The following RNF217 variants were observed in gnomAD, a reference collection of about 807,000 sequenced individuals.
RNF217 encodes ring finger protein 217, also known as E3 ubiquitin-protein ligase RNF217.
RNF217 carries 31 observed loss-of-function variants against 57.8 expected under a neutral mutation model. The ratio of observed to expected loss-of-function variants is 0.54; its 90% CI spans 0.40 to 0.72. The LOEUF is 0.72. Among genes scored for constraint, RNF217 ranks in the 30% least tolerant of loss-of-function variants. The probability of loss-of-function intolerance (pLI) is 0.00; values close to 1 mark genes in which losing one functional copy is unlikely to be tolerated. For missense variants in RNF217, 696 were observed against 708.3 expected (o/e 0.98, Z 0.20); for synonymous variants, 313 against 294.0 (o/e 1.06, Z -0.66).
At chr6:125,009,058 A>G (rs1300835159) in intron 1 of RNF217, 2 of 457,590 alleles carry the variant, frequency 4.4e-6, no homozygotes, top group Non-Finnish European at 7.6e-6. Context: ...TCACTGGTTC[A>G]TAGAGAACAA....
intron 2 of RNF217, among the ~76,000 whole-genome samples, chr6:125,051,822 A>G (rs1787328712): frequency 6.6e-6 from 1 of 151,984 alleles, no homozygotes; most frequent in Admixed American, 6.6e-5. Context: ...CTTGTTCAAA[A>G]CAGGATGATA....
At chr6:125,013,480 A>G (rs1032634162) in intron 1 of RNF217, among the ~76,000 whole-genome samples, 2 of 151,728 alleles carry the variant, frequency 1.3e-5, no homozygotes, top group Admixed American at 1.3e-4. Context: ...GTCATGAAAC[A>G]TCTAGAGGGG....
At chr6:125,066,211 C>T (rs1787931608) in intron 3 of RNF217, among the ~76,000 whole-genome samples, 1 of 152,154 alleles carries the variant, frequency 6.6e-6, no homozygotes, top group African/African-American at 2.4e-5. Flanking sequence ...ACTGGTATCT[C>T]ATTCTTCACA....
intron 1 of RNF217, among the ~76,000 whole-genome samples, chr6:124,988,792 T>G (rs1175411005): frequency 6.6e-6 from 1 of 152,228 alleles, no homozygotes; most frequent in Non-Finnish European, 1.5e-5. Flanking sequence ...CAGAGAATGT[T>G]CATTCATAGA....
rs1052693445 is a variant in RNF217 at position 124,977,749 on chromosome 6, C to T, written c.882+14323C>T. 2.6e-5 allele frequency among the ~76,000 whole-genome samples: 4 copies of T among 152,244 alleles called. No individual in the cohort carries two copies. In the East Asian group the frequency reaches 5.8e-4, roughly 22 times the overall value. ...GCACAGTCATATCATAAAGTGTCTGCTTCTGGTCATAAGACTGTGACTGAG... is the reference window on the plus strand; with the variant it reads ...GCACAGTCATATCATAAAGTGTCTGTTTCTGGTCATAAGACTGTGACTGAG... On this transcript the variant is annotated intron_variant, in intron 1 of 5. Transcript: ENST00000521654.
chr6:125,078,546 C>G (rs512342), intron 4 of RNF217, among the ~76,000 whole-genome samples: 101,107 of 151,970 alleles, frequency 0.67, 35,656 homozygotes, highest in African/African-American at 0.89. Context: ...CCACGAGACA[C>G]AGAAAATGGG....
At chr6:124,982,184 T>G (rs1435312654) in intron 1 of RNF217, among the ~76,000 whole-genome samples, 2 of 152,130 alleles carry the variant, frequency 1.3e-5, no homozygotes, top group Non-Finnish European at 2.9e-5. Flanking sequence ...CTTTCCAACT[T>G]GACTTTTCCC....
intron 4 of RNF217, among the ~76,000 whole-genome samples, chr6:125,079,545 T>G (rs962122280): frequency 1.3e-5 from 2 of 152,010 alleles, no homozygotes; most frequent in South Asian, 2.1e-4. Flanking sequence ...GAAATGTAAA[T>G]TGGCAGTCTC....
chr6:125,061,047 A>C (rs1375850759), intron 3 of RNF217, among the ~76,000 whole-genome samples: 2 of 152,210 alleles, frequency 1.3e-5, no homozygotes, highest in East Asian at 1.9e-4. Context: ...ACTTGCTTAA[A>C]TATTCCTCCA....
Position 124,977,848 on chromosome 6 carries a change from T to C in RNF217, c.882+14422T>C, listed in dbSNP as rs549306557. ...AAATTGAAGCACATGTTCAGGTTATTAGGGAGTTGCAGAGATTTTACATAG... is the reference window on the plus strand; with the variant it reads ...AAATTGAAGCACATGTTCAGGTTATCAGGGAGTTGCAGAGATTTTACATAG... On this transcript the variant is annotated intron_variant, in intron 1 of 5. Transcript: ENST00000521654. 4.3e-4 allele frequency among the ~76,000 whole-genome samples: 65 copies of C among 152,324 alleles called. No individual in the cohort carries two copies. In the South Asian group the frequency reaches 0.013, roughly 31 times the overall value.
chr6:125,034,348 C>A (rs990469663), intron 1 of RNF217, among the ~76,000 whole-genome samples: 11 of 152,186 alleles, frequency 7.2e-5, no homozygotes, highest in Non-Finnish European at 1.0e-4. Context: ...TTAAGTCTTT[C>A]ATTCATCTTG....
In RNF217 at chr6:124,962,768, C is replaced by A; in HGVS notation, c.224C>A (p.Pro75His). ...CCAGAGCCCGCGAGGAGCCTGGGGCCCCCGGGCTGGAGTAAGAGCCGAGCA... is the reference window on the plus strand; with the variant it reads ...CCAGAGCCCGCGAGGAGCCTGGGGCACCCGGGCTGGAGTAAGAGCCGAGCA... ...SAPEPARSLG[P>H]PGWSKSRAPA... Residue 75 changes from proline (P) to histidine (H), a missense_variant, in exon 1 of 6, where the codon CCC becomes CAC. Coordinates refer to ENST00000521654, the MANE Select transcript of RNF217 (RefSeq NM_001286398.3). The surrounding 1 kb of genome is among the most constrained non-coding windows in gnomAD (Gnocchi z 4.6). 6.3e-7 allele frequency: 1 copy of A among 1,594,368 alleles called. No homozygotes were observed. Among genetic ancestry groups the A allele is most frequent in the Non-Finnish European group, 8.5e-7 (1 of 1,178,680 alleles).
At chr6:125,062,322 T>C (rs1276866517) in intron 3 of RNF217, among the ~76,000 whole-genome samples, 1 of 152,074 alleles carries the variant, frequency 6.6e-6, no homozygotes, top group Admixed American at 6.5e-5. Context: ...TATGAAGAGA[T>C]TTGACTTGTG....
intron 1 of RNF217, among the ~76,000 whole-genome samples, chr6:124,998,708 G>T (rs979366855): frequency 6.6e-6 from 1 of 152,174 alleles, no homozygotes; most frequent in Non-Finnish European, 1.5e-5. Context: ...GGCCCAGGCA[G>T]GAGAATCGTT....
At chr6:124,983,135 T>C (rs182170437) in intron 1 of RNF217, among the ~76,000 whole-genome samples, 1 of 152,360 alleles carries the variant, frequency 6.6e-6, no homozygotes, top group Admixed American at 6.5e-5. Flanking sequence ...TATTTATTTA[T>C]TGTCTTCAGA....
At chr6:125,045,749 G>C (rs1787072838) in intron 2 of RNF217, among the ~76,000 whole-genome samples, 1 of 151,702 alleles carries the variant, frequency 6.6e-6, no homozygotes, top group South Asian at 2.1e-4. Flanking sequence ...AAATACTAAG[G>C]CTTTTTCTTT....
At chr6:124,973,754 T>C (rs964038079) in intron 1 of RNF217, among the ~76,000 whole-genome samples, 4 of 152,212 alleles carry the variant, frequency 2.6e-5, no homozygotes, top group Non-Finnish European at 4.4e-5. Flanking sequence ...GTGTGTCTTC[T>C]TTAATTACAA....
At chr6:124,991,438 C>A (rs760678130) in intron 1 of RNF217, among the ~76,000 whole-genome samples, 2 of 152,166 alleles carry the variant, frequency 1.3e-5, no homozygotes, top group South Asian at 4.1e-4. Context: ...AACCCTCATC[C>A]CCCCCATACC....
At chr6:124,964,502 C>T (rs187016509) in intron 1 of RNF217, among the ~76,000 whole-genome samples, 2 of 152,122 alleles carry the variant, frequency 1.3e-5, no homozygotes, top group Non-Finnish European at 2.9e-5. Flanking sequence ...TTTTTAATAA[C>T]ATTGGCTGGG....
Sources: allele counts gnomAD v4.1 joint callset (sites outside exome capture counted in the v4.1 genomes callset), GRCh38; gene constraint gnomAD v4.1.1; non-coding constraint Gnocchi (gnomAD v3.1); transcripts MANE v1.5; gene names NCBI Gene and HGNC (gene_info 2026-07-23, HGNC 2026-07-21).